Variants in EPB41L3 observed in about 807,000 individuals in gnomAD.
EPB41L3 encodes the protein erythrocyte membrane protein band 4.1 like 3.
Under a neutral mutation model 127.1 loss-of-function variants are expected in EPB41L3, and 57 were observed. The observed-to-expected ratio is 0.45, with a 90% CI of 0.36 to 0.56. EPB41L3 has a LOEUF of 0.56. EPB41L3 is among the 20% of genes least tolerant of loss of function. EPB41L3 has a pLI of 0.00. For synonymous variants in EPB41L3, 572 were observed against 549.5 expected (o/e 1.04, Z -0.57); for missense variants, 1,273 against 1,372.2 (o/e 0.93, Z 1.14).
At chr18:5,464,123 A>C (rs2084530387) in intron 3 of EPB41L3, among the ~76,000 whole-genome samples, 1 of 152,200 alleles carries the variant, frequency 6.6e-6, no homozygotes, top group Non-Finnish European at 1.5e-5. Flanking sequence ...CAACAATGAA[A>C]GTGCTAAGCA....
At chr18:5,542,562 C>T (rs1315146497) in intron 1 of EPB41L3, among the ~76,000 whole-genome samples, 1 of 151,674 alleles carries the variant, frequency 6.6e-6, no homozygotes, top group African/African-American at 2.4e-5. Context: ...AACTTAAACA[C>T]GCAATGGAAG....
At chr18:5,580,818 G>A (rs1020026472) in intron 3 of EPB41L3, among the ~76,000 whole-genome samples, 8 of 152,144 alleles carry the variant, frequency 5.3e-5, no homozygotes, top group African/African-American at 1.7e-4. Context: ...AGTAGTCCAC[G>A]CAAGAAGCAA....
At chr18:5,441,262 G>C (rs1349032207) in intron 5 of EPB41L3, among the ~76,000 whole-genome samples, 2 of 152,050 alleles carry the variant, frequency 1.3e-5, no homozygotes, top group African/African-American at 4.8e-5. Context: ...TCATTCTAAA[G>C]GAATACTGTG....
intron 1 of EPB41L3, among the ~76,000 whole-genome samples, chr18:5,535,794 A>T (rs964161546): frequency 6.6e-6 from 1 of 152,250 alleles, no homozygotes; most frequent in African/African-American, 2.4e-5. Flanking sequence ...ATAACAGAGC[A>T]GCCCACATCC....
chr18:5,430,637 A>G (rs1162268974), intron 8 of EPB41L3, among the ~76,000 whole-genome samples: 1 of 147,472 alleles, frequency 6.8e-6, no homozygotes, highest in African/African-American at 2.5e-5. Flanking sequence ...ATCTTGGCTC[A>G]CTGCACCCTC....
chr18:5,396,643 T>C (rs57402065), intron 18 of EPB41L3, among the ~76,000 whole-genome samples: 6,208 of 152,258 alleles, frequency 0.041, 173 homozygotes, highest in African/African-American at 0.085. Flanking sequence ...TTCAGGAATC[T>C]CAATAAAAGA....
At position 5,522,091 on chromosome 18, in the gene EPB41L3, GTTAT is replaced by G. The variant is rs149542636; in HGVS notation, c.-12+21818_-12+21821del. Among the ~76,000 whole-genome samples, 71 of 151,706 alleles carry G rather than the reference GTTAT, an allele frequency of 4.7e-4. 1 individual carries two copies. The highest frequency in any genetic ancestry group is 1.4e-3 in the African/African-American group (60 of 41,384). ...ATGTATTTTCTTCCAATGCCAAATC[GTTAT>G]TTATTTATTTATTTATTTATTTTTT... On this transcript the variant is annotated intron_variant, in intron 1 of 22. Coordinates refer to ENST00000341928, the MANE Select transcript of EPB41L3 (RefSeq NM_012307.5).
chr18:5,413,071 AT>A (rs2076395277), intron 13 of EPB41L3, among the ~76,000 whole-genome samples: 1 of 152,170 alleles, frequency 6.6e-6, no homozygotes, highest in Non-Finnish European at 1.5e-5. Context: ...AGCAACTGGT[AT>A]TTCTATAATG....
Position 5,489,011 on chromosome 18 carries a change from A to T in EPB41L3, c.173T>A (p.Val58Glu). Residue 58 changes from valine to glutamate, a missense_variant, in exon 2 of 23, where the codon GTG (valine) becomes GAG (glutamate). By Grantham distance (121) the Val-to-Glu change is moderately radical (BLOSUM62 -2). Coordinates refer to ENST00000341928, the MANE Select transcript of EPB41L3 (RefSeq NM_012307.5). Reference sequence around the variant, plus strand: ...CTGGCCTGGGCTCACCTCCCTCCGCACCGGGGTGCTGTGCGCTGCAGCGGC... The same window carrying T: ...CTGGCCTGGGCTCACCTCCCTCCGCTCCGGGGTGCTGTGCGCTGCAGCGGC... ...FAAAAAHSTP[V>E]RREVTDKEQE... 1.3e-6 allele frequency: 2 copies of T among 1,582,976 alleles called. No individual in the cohort carries two copies. Among genetic ancestry groups the T allele is most frequent in the South Asian group, 2.2e-5 (2 of 89,454 alleles).
chr18:5,523,716 C>T (rs554830827), intron 1 of EPB41L3, among the ~76,000 whole-genome samples: 29 of 151,890 alleles, frequency 1.9e-4, no homozygotes, highest in Admixed American at 1.0e-3. Flanking sequence ...ACCATAGAGA[C>T]GGAGGATGTG....
In EPB41L3 at chr18:5,430,860, A is replaced by G. The variant is rs2078917223; in HGVS notation, c.913-2395T>C. On this transcript the variant is annotated intron_variant, in intron 8 of 22. Coordinates refer to ENST00000341928, the MANE Select transcript of EPB41L3 (RefSeq NM_012307.5). ...TGTGAGCCACCTTGCTGGGCCTGAGAAATCTTTGGTTTTAAAAGTTATGAC... is the reference window on the plus strand; with the variant it reads ...TGTGAGCCACCTTGCTGGGCCTGAGGAATCTTTGGTTTTAAAAGTTATGAC... 2.0e-5 allele frequency among the ~76,000 whole-genome samples: 3 copies of G among 152,084 alleles called. No individual in the cohort carries two copies. In the South Asian group the frequency reaches 6.2e-4, roughly 32 times the overall value.
chr18:5,587,021 T>C (rs898703135), intron 3 of EPB41L3, among the ~76,000 whole-genome samples: 1 of 152,214 alleles, frequency 6.6e-6, no homozygotes, highest in Non-Finnish European at 1.5e-5. Context: ...ATAAATTACA[T>C]ATTTTAGTTT....
At chr18:5,408,132 A>T (rs113236814) in intron 14 of EPB41L3, among the ~76,000 whole-genome samples, 2,170 of 152,320 alleles carry the variant, frequency 0.014, 45 homozygotes, top group African/African-American at 0.048. Flanking sequence ...CATGTAGTGT[A>T]TGAATCCCGC....
intron 2 of EPB41L3, chr18:5,488,665 A>G (rs955118554): frequency 8.8e-6 from 2 of 227,310 alleles, no homozygotes; most frequent in African/African-American, 4.6e-5. Flanking sequence ...AACTCACTCT[A>G]GCCCTTAGAC....
chr18:5,499,124 TGTTA>T (rs1479483203), intron 1 of EPB41L3, among the ~76,000 whole-genome samples: 6 of 152,272 alleles, frequency 3.9e-5, no homozygotes, highest in East Asian at 3.9e-4. Context: ...CAGGTGGGGA[TGTTA>T]GTTAGTCACC....
chr18:5,590,035 T>C (rs1419193998), intron 3 of EPB41L3, among the ~76,000 whole-genome samples: 1 of 152,180 alleles, frequency 6.6e-6, no homozygotes. Context: ...GAATCGGAAA[T>C]AAAAGGAGAA....
rs748976507 is a variant in EPB41L3, at chr18:5,395,685, T to G, written c.2996A>C (p.Glu999Ala). 7.3e-5 allele frequency: 118 copies of G among 1,614,038 alleles called. No homozygotes were observed. The highest frequency in any genetic ancestry group is 9.8e-5 in the Non-Finnish European group (116 of 1,180,012). ...CTGTGCACTCATCAGCACGCCTGGC[T>G]CCAGATCTGTGCCTGGATCGACCTA... The part of the protein sequence containing the change: ...SSQVDPGTDL[E>A]PGVLMSAQTI... The change falls in exon 20 of 23, where the codon GAG becomes GCG. Residue 999 changes from glutamate to alanine, a missense_variant. Physicochemically the swap from Glu to Ala is moderately radical, Grantham distance 107 (BLOSUM62 -1). Around this residue, in one of 3 missense-constraint regions of EPB41L3, gnomAD observed 765 missense variants for 782.9 expected, o/e 0.98. Transcript: ENST00000341928.
chr18:5,539,371 A>T (rs1489369998), intron 1 of EPB41L3, among the ~76,000 whole-genome samples: 1 of 152,250 alleles, frequency 6.6e-6, no homozygotes, highest in Non-Finnish European at 1.5e-5. Context: ...TGCAAATTAC[A>T]AAAGAATTGG....
rs573758738 is a variant in EPB41L3, at chr18:5,561,113, G to A, written c.-306+51227C>T. On this transcript the variant is annotated intron_variant, in intron 3 of 21. Transcript: ENST00000545076. The stretch of plus-strand genomic sequence containing the variant: ...CTGCCTCAGCCTCCCGAGTAGCTGG[G>A]ACTACAGGCGCCCGCCACTACGCCC... Among the ~76,000 whole-genome samples, 9 of 148,960 alleles carry A rather than the reference G, an allele frequency of 6.0e-5. No homozygotes were observed. The South Asian group carries it at 6.5e-4, about 11-fold the overall frequency.
Sources: allele counts gnomAD v4.1 joint callset (sites outside exome capture counted in the v4.1 genomes callset), GRCh38; gene constraint gnomAD v4.1.1; regional missense constraint gnomAD v4.1.1; transcripts MANE v1.5; gene names NCBI Gene and HGNC (gene_info 2026-07-23, HGNC 2026-07-21).